Variants in HECW2 observed in about 807,000 individuals in gnomAD.
HECW2 encodes HECT, C2 and WW domain containing E3 ubiquitin protein ligase 2.
In HECW2, 61 loss-of-function variants were observed where a neutral mutation model predicts 175.2. The ratio of observed to expected loss-of-function variants is 0.35; its 90% CI spans 0.28 to 0.43. The LOEUF (loss-of-function observed/expected upper bound fraction) is 0.43. Ranked by LOEUF, HECW2 falls within the 20% of genes least tolerant of loss-of-function variation. The pLI is 1.00. For missense variants in HECW2, 1,524 were observed against 2,000.5 expected (o/e 0.76, Z 4.54); for synonymous variants, 671 against 731.0 (o/e 0.92, Z 1.32).
intron 1 of HECW2, among the ~76,000 whole-genome samples, chr2:196,480,835 C>T (rs1686818128): frequency 6.6e-6 from 1 of 152,186 alleles, no homozygotes; most frequent in South Asian, 2.1e-4. Flanking sequence ...ATGTCTGATC[C>T]TGACTCATGT....
intron 1 of HECW2, among the ~76,000 whole-genome samples, chr2:196,477,102 C>T (rs1392916911): frequency 6.7e-6 from 1 of 149,340 alleles, no homozygotes; most frequent in Non-Finnish European, 1.5e-5. Context: ...GTGATTACAC[C>T]ACTGCACTCC....
chr2:196,285,790 C>G (rs1242807300), intron 14 of HECW2, among the ~76,000 whole-genome samples: 1 of 152,172 alleles, frequency 6.6e-6, no homozygotes, highest in Non-Finnish European at 1.5e-5. Context: ...TTGAAGGAAT[C>G]AGTAGTCCCA....
intron 13 of HECW2, among the ~76,000 whole-genome samples, chr2:196,295,071 C>T (rs1427088589): frequency 1.3e-5 from 2 of 152,142 alleles, no homozygotes; most frequent in Non-Finnish European, 2.9e-5. Flanking sequence ...AACCTTAATT[C>T]CTCAGTACAC....
At chr2:196,397,148 A>C (rs1197020339) in intron 2 of HECW2, among the ~76,000 whole-genome samples, 1 of 151,842 alleles carries the variant, frequency 6.6e-6, no homozygotes, top group Non-Finnish European at 1.5e-5. Flanking sequence ...AAAAAAAAAA[A>C]CAAAAATAAA....
intron 1 of HECW2, among the ~76,000 whole-genome samples, chr2:196,469,048 T>C (rs1352652660): frequency 1.3e-5 from 2 of 151,910 alleles, no homozygotes; most frequent in South Asian, 2.1e-4. Flanking sequence ...CAGAGCCAGA[T>C]GTGAAGAAGG....
intron 28 of HECW2, 72 bp from the exon 29 acceptor site, chr2:196,201,460 GTGTGTGTGTCTGTGTGTGTA>G: frequency 9.7e-7 from 1 of 1,026,948 alleles, no homozygotes; most frequent in Non-Finnish European, 1.5e-6. Context: ...GTGTGTGTGT[GTGTGTGTGTCTGTGTGTGTA>G]TGACTGTCTT....
intron 2 of HECW2, among the ~76,000 whole-genome samples, chr2:196,401,013 A>G (rs906864663): frequency 1.8e-4 from 27 of 152,252 alleles, no homozygotes; most frequent in East Asian, 3.8e-4. Flanking sequence ...TTCATGATTA[A>G]TAACAGACTT....
intron 28 of HECW2, among the ~76,000 whole-genome samples, chr2:196,212,511 A>G (rs4850682): frequency 0.59 from 88,880 of 151,688 alleles, 26,247 homozygotes; most frequent in Non-Finnish European, 0.63. Flanking sequence ...CCAGGTTCCT[A>G]CAAAGAACAT....
intron 10 of HECW2, among the ~76,000 whole-genome samples, chr2:196,315,591 A>T (rs750263491): frequency 2.0e-5 from 3 of 152,204 alleles, no homozygotes; most frequent in Non-Finnish European, 4.4e-5. Flanking sequence ...ACCATGAGTC[A>T]CTAAGTTGCC....
intron 1 of HECW2, among the ~76,000 whole-genome samples, chr2:196,466,960 G>A (rs908474007): frequency 1.3e-5 from 2 of 152,046 alleles, no homozygotes; most frequent in East Asian, 1.9e-4. Flanking sequence ...AACTCCAACC[G>A]TCTTAGTTTT....
chr2:196,278,415 CAA>C (rs756473431), intron 15 of HECW2, 111 bp downstream of exon 15: 9,541 of 909,496 alleles, frequency 0.01, no homozygotes, highest in South Asian at 0.019. Context: ...AAATCAAACT[CAA>C]AAAAAAAAAA....
chr2:196,266,794 A>G (rs896554973), intron 17 of HECW2, among the ~76,000 whole-genome samples: 1 of 152,220 alleles, frequency 6.6e-6, no homozygotes, highest in Non-Finnish European at 1.5e-5. Flanking sequence ...AAACTTCAAA[A>G]TGGGCCATTA....
chr2:196,232,846 T>C (rs564138309), intron 21 of HECW2, among the ~76,000 whole-genome samples: 14 of 152,216 alleles, frequency 9.2e-5, no homozygotes, highest in Non-Finnish European at 1.8e-4. Context: ...AGCTAACAGT[T>C]AGTTCCTCTA....
intron 2 of HECW2, among the ~76,000 whole-genome samples, chr2:196,381,557 A>G (rs1316477264): frequency 1.3e-5 from 2 of 152,198 alleles, no homozygotes; most frequent in Non-Finnish European, 2.9e-5. Context: ...AATGTTCCTT[A>G]TATTATAATA....
At chr2:196,278,059 A>G (rs1690029719) in intron 15 of HECW2, among the ~76,000 whole-genome samples, 1 of 143,510 alleles carries the variant, frequency 7.0e-6, no homozygotes, top group East Asian at 2.2e-4. Context: ...GCACACCAAC[A>G]TGGCACATGT....
chr2:196,562,723 T>C (rs1269579743), intron 1 of HECW2, among the ~76,000 whole-genome samples: 1 of 152,154 alleles, frequency 6.6e-6, no homozygotes, highest in African/African-American at 2.4e-5. Context: ...GCACTCAGAA[T>C]TTTTTATTCG....
At chr2:196,579,564 T>A (rs1389513324) in intron 1 of HECW2, among the ~76,000 whole-genome samples, 1 of 152,028 alleles carries the variant, frequency 6.6e-6, no homozygotes, top group Non-Finnish European at 1.5e-5. Context: ...AAATTTTAAG[T>A]CGAAAAATAT....
chr2:196,329,208 T>C (rs1330510608), intron 5 of HECW2, among the ~76,000 whole-genome samples: 7 of 152,208 alleles, frequency 4.6e-5, no homozygotes, highest in East Asian at 1.9e-4. Context: ...AAGAAGTATA[T>C]TGGCTTTTGT....
At chr2:196,489,663 C>A (rs1687121070) in intron 1 of HECW2, among the ~76,000 whole-genome samples, 1 of 152,188 alleles carries the variant, frequency 6.6e-6, no homozygotes, top group Non-Finnish European at 1.5e-5. Flanking sequence ...TCTGGGATGG[C>A]CCATCCACTT....
Sources: allele counts gnomAD v4.1 joint callset (sites outside exome capture counted in the v4.1 genomes callset), GRCh38; gene constraint gnomAD v4.1.1; transcripts MANE v1.5; gene names NCBI Gene and HGNC (gene_info 2026-07-23, HGNC 2026-07-21).